The following KDSR variants were observed in gnomAD, a reference collection of about 807,000 sequenced individuals.
The protein encoded by KDSR is 3-ketodihydrosphingosine reductase.
In KDSR, 23 loss-of-function variants were observed where a neutral mutation model predicts 41.3. The ratio of observed to expected loss-of-function variants is 0.56; its 90% confidence interval spans 0.40 to 0.79. KDSR has a LOEUF of 0.79. KDSR is among the 30% of genes least tolerant of loss of function. KDSR has a pLI of 0.00. For synonymous variants in KDSR, 138 were observed against 151.7 expected (o/e 0.91, Z 0.66); for missense variants, 351 against 416.8 (o/e 0.84, Z 1.37).
chr18:63,350,802 A>C, intron 6 of KDSR, 86 bp downstream of exon 6: 1 of 969,024 alleles, frequency 1.0e-6, no homozygotes, highest in Admixed American at 2.6e-5. Flanking sequence ...TAATACAACA[A>C]CACATGTAAA....
intron 3 of KDSR, 86 bp from the exon 4 acceptor site, chr18:63,355,649 T>C (rs961741337): frequency 3.9e-5 from 56 of 1,431,188 alleles, no homozygotes; most frequent in Non-Finnish European, 4.9e-5. Flanking sequence ...GACAGTTCAT[T>C]GAATACAGAA....
chr18:63,345,218 GC>G (rs1312378153), intron 6 of KDSR: 1 of 152,344 alleles, frequency 6.6e-6, no homozygotes, highest in Non-Finnish European at 1.5e-5. Context: ...AAAGCCCTCT[GC>G]CTTATCTGAA....
intron 7 of KDSR, among the ~76,000 whole-genome samples, chr18:63,342,266 A>G (rs1253329161): frequency 3.9e-5 from 6 of 152,130 alleles, no homozygotes; most frequent in African/African-American, 7.2e-5. Flanking sequence ...TTCTCAGAAA[A>G]TTGGTGGAAA....
chr18:63,351,003 AC>A lies in KDSR; in HGVS notation c.493del (p.Val165TrpfsTer29). The A allele has an allele frequency of 6.2e-7, 1 of 1,614,090 alleles. No individual in the cohort carries two copies. The highest frequency in any genetic ancestry group is 8.5e-7 in the Non-Finnish European group (1 of 1,179,990). On this transcript the variant is annotated frameshift_variant, in exon 6 of 10. Coordinates refer to ENST00000645214, the MANE Select transcript of KDSR (RefSeq NM_002035.4). LOFTEE classifies it high-confidence loss of function. ...AVITTMKERRVGRIVFVSSQA... is the reference protein window; with the variant it reads ...AVITTMKERRXGRIVFVSSQA... Reference sequence around the variant, plus strand: ...GGAGGACACAAACACGATCCTGCCCACCCGGCGCTCCTTCATGGTGGTGATC... The same window carrying A: ...GGAGGACACAAACACGATCCTGCCCACCGGCGCTCCTTCATGGTGGTGATC...
In KDSR at chr18:63,329,120, T is replaced by TA. The variant is rs1913896788; in HGVS notation, c.*2661dup. ...TGTTCAAGCATTGAACCAAAAAATA[T>TA]AAAAAATAGAATTTGCCTTGTAATA... On this transcript the variant is annotated 3_prime_UTR_variant, in exon 10 of 10. Transcript: ENST00000645214. 1 of 199,720 alleles carries TA rather than the reference T, an allele frequency of 5.0e-6. No individual in the cohort carries two copies. The allele number at this position is 199,720 out of a possible 1,614,324, so 12.4% of individuals were successfully genotyped here.
At chr18:63,340,397 C>A (rs980845114) in intron 7 of KDSR, among the ~76,000 whole-genome samples, 17 of 152,196 alleles carry the variant, frequency 1.1e-4, no homozygotes, top group Non-Finnish European at 2.2e-4. Context: ...CATCTTTCTA[C>A]AAATATACAG....
intron 1 of KDSR, among the ~76,000 whole-genome samples, 168 bp downstream of exon 1, chr18:63,366,830 AGGCCGGGTGCCGG>A (rs1455559278): frequency 6.6e-6 from 1 of 152,020 alleles, no homozygotes; most frequent in Non-Finnish European, 1.5e-5. Context: ...CGGGTCCGCG[AGGCCGGGTGCCGG>A]GGCCGGGGGA....
chr18:63,342,859 A>C (rs1018438344), intron 7 of KDSR, among the ~76,000 whole-genome samples: 5 of 152,010 alleles, frequency 3.3e-5, no homozygotes, highest in Admixed American at 3.3e-4. Context: ...TACAATCCCC[A>C]ATGTTGGAGG....
rs760362672 is a variant in KDSR at position 63,362,844 on chromosome 18, C to T, written c.133G>A (p.Gly45Arg). 110 of 1,613,116 alleles carry T rather than the reference C, an allele frequency of 6.8e-5. No individual in the cohort carries two copies. Among genetic ancestry groups the T allele is most frequent in the Non-Finnish European group, 8.8e-5 (104 of 1,179,334 alleles). Reference sequence around the variant, plus strand: ...TAGCACTCGATAGCAATGCACTTCCCGATGCCACTGGAACCTCCTGTAACC... The same window carrying T: ...TAGCACTCGATAGCAATGCACTTCCTGATGCCACTGGAACCTCCTGTAACC... The part of the protein sequence containing the change: ...VVVTGGSSGI[G>R]KCIAIECYKQ... Residue 45 changes from glycine (G) to arginine (R), a missense_variant, in exon 2 of 10, where the codon GGG becomes AGG. Transcript: ENST00000645214.
chr18:63,358,657 C>CA (rs1326141654), intron 3 of KDSR, among the ~76,000 whole-genome samples: 3 of 150,222 alleles, frequency 2.0e-5, no homozygotes, highest in African/African-American at 4.9e-5. Context: ...ACTAAAAATA[C>CA]AAAAAAAATT....
intron 3 of KDSR, among the ~76,000 whole-genome samples, chr18:63,357,496 C>A (rs1178372475): frequency 6.8e-6 from 1 of 147,898 alleles, no homozygotes; most frequent in Non-Finnish European, 1.5e-5. Context: ...TTTACTCCAA[C>A]TTTTTGCAGC....
At chr18:63,363,498 T>A (rs1210084185) in intron 1 of KDSR, among the ~76,000 whole-genome samples, 1 of 147,800 alleles carries the variant, frequency 6.8e-6, no homozygotes. Flanking sequence ...TGCGATAGTT[T>A]ACTGAGAATG....
At chr18:63,341,925 C>T (rs1914349699) in intron 7 of KDSR, among the ~76,000 whole-genome samples, 1 of 151,972 alleles carries the variant, frequency 6.6e-6, no homozygotes, top group Non-Finnish European at 1.5e-5. Flanking sequence ...TGCCTGTAAT[C>T]CCAGCACTTT....
In KDSR at chr18:63,330,287, T is replaced by C. The variant is rs1223520363; in HGVS notation, c.*1495A>G. 4.6e-6 allele frequency: 1 copy of C among 215,736 alleles called. No homozygotes were observed. The highest frequency in any genetic ancestry group is 9.3e-6 in the Non-Finnish European group (1 of 107,114). 13.4% of individuals were successfully genotyped at this position (215,736 alleles called of 1,614,324 possible). ...TTCCTCTTCAAAAACAGAGGTCTTT[T>C]CTCACCGAAGTGATCTGGAATGTGC... On this transcript the variant is annotated 3_prime_UTR_variant, in exon 10 of 10. Transcript: ENST00000645214.
At chr18:63,337,130 ATATATATG>A (rs1568276019) in intron 8 of KDSR, among the ~76,000 whole-genome samples, 1 of 137,170 alleles carries the variant, frequency 7.3e-6, no homozygotes, top group African/African-American at 2.6e-5. Flanking sequence ...ATATATATAT[ATATATATG>A]GAGTTTTGCT....
chr18:63,343,353 G>C (rs1278572587), intron 7 of KDSR, among the ~76,000 whole-genome samples: 1 of 149,638 alleles, frequency 6.7e-6, no homozygotes, highest in Non-Finnish European at 1.5e-5. Flanking sequence ...AGACACCATG[G>C]CTGGCCTTAA....
intron 1 of KDSR, among the ~76,000 whole-genome samples, chr18:63,365,283 A>T (rs1468360584): frequency 6.6e-6 from 1 of 152,260 alleles, no homozygotes; most frequent in Non-Finnish European, 1.5e-5. Flanking sequence ...TTGTTTTAAA[A>T]ATGAAACAAT....
chr18:63,337,480 A>G (rs1383048126), intron 8 of KDSR, among the ~76,000 whole-genome samples: 2 of 152,232 alleles, frequency 1.3e-5, no homozygotes, highest in African/African-American at 4.8e-5. Context: ...TATGGCAAAT[A>G]TCAATAAATA....
chr18:63,355,279 T>G lies in KDSR; in HGVS notation c.342A>C (p.Pro114=). ...CTGCACAATTTACCAGCATGTCCAC[T>G]GGACCCAGTTTCTCCTGTGCCTAGA... The part of the protein sequence containing the change: ...VIKQAQEKLG[P]VDMLVNCAGM... Residue 114 remains proline, a synonymous_variant, in exon 5 of 10, where the codon CCA becomes CCC. Coordinates refer to ENST00000645214, the MANE Select transcript of KDSR (RefSeq NM_002035.4). 1 of 1,614,144 alleles carries G rather than the reference T, an allele frequency of 6.2e-7. No homozygotes were observed. The highest frequency in any genetic ancestry group is 8.5e-7 in the Non-Finnish European group (1 of 1,179,986).
Sources: gnomAD v4.1 joint callset for allele counts (sites outside exome capture counted in the v4.1 genomes callset) on GRCh38, gnomAD v4.1.1 for gene constraint, MANE v1.5 for transcripts, NCBI Gene and HGNC (gene_info 2026-07-23, HGNC 2026-07-21) for gene names.